Variants in DCTN2 observed in about 807,000 individuals in gnomAD.
DCTN2 encodes the protein 50 kDa dynein-associated polypeptide.
DCTN2 carries 18 observed loss-of-function variants against 55.4 expected under a neutral mutation model. The observed-to-expected ratio is 0.32, with a 90% CI of 0.22 to 0.48. DCTN2 has a LOEUF of 0.48. Among genes scored for constraint, DCTN2 ranks in the 20% least tolerant of loss-of-function variants. The probability of loss-of-function intolerance (pLI) is 0.99; values close to 1 mark genes in which losing one functional copy is unlikely to be tolerated. For missense variants in DCTN2, 390 were observed against 491.0 expected (o/e 0.79, Z 1.94); for synonymous variants, 168 against 185.2 (o/e 0.91, Z 0.76).
chr12:57,545,473 A>G (rs1881075134), intron 2 of DCTN2, among the ~76,000 whole-genome samples: 1 of 152,152 alleles, frequency 6.6e-6, no homozygotes, highest in Non-Finnish European at 1.5e-5. Context: ...GTACCTAATT[A>G]CTCCATCCTC....
rs370441577 is a variant in DCTN2 at position 57,544,355 on chromosome 12, AT to A, written c.105+1672del. Reference sequence around the variant, plus strand: ...ACTTAAAATACCTAGTACAATGTAAATGCTATGTAAATAGTTGTTATATTGT... The same window carrying A: ...ACTTAAAATACCTAGTACAATGTAAAGCTATGTAAATAGTTGTTATATTGT... On this transcript the variant is annotated intron_variant, in intron 2 of 13. Coordinates refer to ENST00000548249, the MANE Select transcript of DCTN2 (RefSeq NM_001261413.2). 1.8e-3 allele frequency among the ~76,000 whole-genome samples: 269 copies of A among 152,146 alleles called. 2 individuals are homozygous for A. The highest frequency in any genetic ancestry group is 6.3e-3 in the African/African-American group (262 of 41,502).
intron 7 of DCTN2, 116 bp downstream of exon 7, chr12:57,533,835 CAA>C: frequency 2.9e-6 from 3 of 1,045,866 alleles, no homozygotes; most frequent in Non-Finnish European, 2.7e-6. Context: ...AGGAATCAAT[CAA>C]GAGGAATCAG....
At chr12:57,534,919 C>G (rs149249094) in intron 5 of DCTN2, 137 bp downstream of exon 5, 7,712 of 659,504 alleles carry the variant, frequency 0.012, 66 homozygotes, top group Middle Eastern at 0.022. Flanking sequence ...ATCCGCCTGC[C>G]TCGGCCTCCC....
chr12:57,547,006 C>A (rs1881230349), intron 1 of DCTN2, 22 bp downstream of exon 1: 3 of 1,289,478 alleles, frequency 2.3e-6, no homozygotes, highest in African/African-American at 1.5e-5. Flanking sequence ...TCCTGGGGAG[C>A]CGGGGCCGGT....
Position 57,532,067 on chromosome 12 carries a change from G to C in DCTN2, c.1067C>G (p.Thr356Ser). The C allele has an allele frequency of 1.3e-6, 2 of 1,565,802 alleles. No homozygotes were observed. Among genetic ancestry groups the C allele is most frequent in the Non-Finnish European group, 1.7e-6 (2 of 1,154,348 alleles). Residue 356 changes from threonine (T) to serine (S), a missense_variant, in exon 13 of 14, where the codon ACC becomes AGC. Physicochemically the swap from Thr to Ser is moderately conservative, Grantham distance 58 (BLOSUM62 1). This residue lies in a region of DCTN2 where 273 missense variants were observed against 303.2 expected (regional missense o/e 0.90). Transcript: ENST00000548249. ...FGQLLTHLDT[T>S]QQMIANSLKD... ...CAAGGAATTAGCAATCATCTGCTGG[G>C]TGGTATCCAAGTGTGTCAGGAGCTG...
rs754227147 is a variant in DCTN2 at position 57,535,778 on chromosome 12, T to C, written c.173A>G (p.Lys58Arg). The C allele has an allele frequency of 6.2e-7, 1 of 1,614,004 alleles. No homozygotes were observed. Among genetic ancestry groups the C allele is most frequent in the South Asian group, 1.1e-5 (1 of 91,068 alleles). ...VNPNAAYDKFKDKRVGTKGLD... is the reference protein window; with the variant it reads ...VNPNAAYDKFRDKRVGTKGLD... ...TCCCTTTGTCCCCACTCTCTTGTCC[T>C]TGAACTTGTCATAGGCAGCATTAGG... Residue 58 changes from lysine (K) to arginine (R), a missense_variant, in exon 3 of 14, where the codon AAG becomes AGG. Lys to Arg is a conservative substitution (Grantham distance 26). Transcript: ENST00000548249.
At chr12:57,534,791 C>A (rs549733890) in intron 5 of DCTN2, among the ~76,000 whole-genome samples, 1 of 152,148 alleles carries the variant, frequency 6.6e-6, no homozygotes, top group Non-Finnish European at 1.5e-5. Context: ...CTTAGCCTCC[C>A]GAGTAGCTGG....
At chr12:57,547,005 G>A in intron 1 of DCTN2, 23 bp downstream of exon 1, 2 of 1,289,908 alleles carry the variant, frequency 1.6e-6, no homozygotes, top group Non-Finnish European at 2.0e-6. Context: ...GTCCTGGGGA[G>A]CCGGGGCCGG....
intron 1 of DCTN2, 53 bp from the exon 2 acceptor site, chr12:57,546,149 C>G: frequency 6.6e-7 from 1 of 1,516,796 alleles, no homozygotes; most frequent in East Asian, 2.3e-5. Flanking sequence ...TCCAACAACA[C>G]CCCTTCCCCC....
In DCTN2 at chr12:57,546,113, T is replaced by G; in HGVS notation, c.37-17A>C. 1 of 1,613,584 alleles carries G rather than the reference T, an allele frequency of 6.2e-7. No individual in the cohort carries two copies. Among genetic ancestry groups the G allele is most frequent in the South Asian group, 1.1e-5 (1 of 91,068 alleles). ...ATTCCTGGCCTGCAGGTAGAAGCAG[T>G]GACCACCCAACCTCACTACCCAGCA... On this transcript the variant is annotated splice_polypyrimidine_tract_variant and intron_variant, in intron 1 of 13. Transcript: ENST00000548249.
At chr12:57,535,391 A>C in intron 4 of DCTN2, 93 bp downstream of exon 4, 56 of 1,491,122 alleles carry the variant, frequency 3.8e-5, no homozygotes, top group Middle Eastern at 1.7e-4. Context: ...GGAGGAACAG[A>C]ATCCCGCCTG....
rs1313387769 is a variant in DCTN2, at chr12:57,543,851, T to A, written c.105+2177A>T. 8 of 1,286,776 alleles carry A rather than the reference T, an allele frequency of 6.2e-6. No homozygotes were observed. The African/African-American group carries it at 1.1e-4, about 17-fold the overall frequency. The allele number at this position is 1,286,776 out of a possible 1,614,324, so 79.7% of individuals were successfully genotyped here. The stretch of plus-strand genomic sequence containing the variant: ...CCACAGGAAATGAACACTCACAGTA[T>A]CCTCTCCTCATCAGCCACCCCACTA... On this transcript the variant is annotated intron_variant, in intron 2 of 13. Coordinates refer to ENST00000548249, the MANE Select transcript of DCTN2 (RefSeq NM_001261413.2).
chr12:57,532,434 G>C, intron 11 of DCTN2, 119 bp from the exon 12 acceptor site: 1 of 1,322,906 alleles, frequency 7.6e-7, no homozygotes, highest in Non-Finnish European at 1.1e-6. Flanking sequence ...GCAGTGCCCT[G>C]ACTTTCCAAG....
chr12:57,542,977 A>T lies in DCTN2; in HGVS notation c.105+3051T>A, dbSNP rs1321419181. 3 of 456,016 alleles carry T rather than the reference A, an allele frequency of 6.6e-6. No individual in the cohort carries two copies. The Admixed American group carries it at 7.0e-5, about 11-fold the overall frequency. 28.2% of individuals were successfully genotyped at this position (456,016 alleles called of 1,614,324 possible). ...ATCCTCTGTTCCCTGTGCATACATT[A>T]CCTACTTTAAAAACTGATAAAATTA... On this transcript the variant is annotated intron_variant, in intron 2 of 13. Coordinates refer to ENST00000548249, the MANE Select transcript of DCTN2 (RefSeq NM_001261413.2).
chr12:57,532,266 G>A lies in DCTN2; in HGVS notation c.974C>T (p.Thr325Ile), dbSNP rs941848876. The A allele has an allele frequency of 1.9e-6, 3 of 1,563,236 alleles. No homozygotes were observed. Among genetic ancestry groups the A allele is most frequent in the African/African-American group, 1.4e-5 (1 of 73,484 alleles). The change falls in exon 12 of 14, where the codon ACC becomes ATC. Residue 325 changes from threonine (T) to isoleucine (I), a missense_variant. Thr to Ile is a moderately conservative substitution (Grantham distance 89). Around this residue, in one of 2 missense-constraint regions of DCTN2, gnomAD observed 273 missense variants for 303.2 expected, o/e 0.90. Coordinates refer to ENST00000548249, the MANE Select transcript of DCTN2 (RefSeq NM_001261413.2). ...TIQRWSPIAS[T>I]LPELVQRLVT... ...AAGTCTCTGCACCAGCTCAGGGAGG[G>A]TGGAGGCAATGGGGCTCCAGCGCTG...
chr12:57,535,421 T>C (rs2140123363), intron 4 of DCTN2, 63 bp downstream of exon 4: 3 of 1,583,980 alleles, frequency 1.9e-6, no homozygotes, highest in Non-Finnish European at 2.6e-6. Context: ...ATCTCCCTAC[T>C]ACATGTCTGC....
In DCTN2 at chr12:57,535,476, C is replaced by T. The variant is rs370761721; in HGVS notation, c.264+8G>A. 60 of 1,613,932 alleles carry T rather than the reference C, an allele frequency of 3.7e-5. No homozygotes were observed. The highest frequency in any genetic ancestry group is 5.1e-5 in the Non-Finnish European group (60 of 1,179,846). On this transcript the variant is annotated splice_region_variant and intron_variant, in intron 4 of 13. Coordinates refer to ENST00000548249, the MANE Select transcript of DCTN2 (RefSeq NM_001261413.2). ...ATTCCCATCAACACACACACACACA[C>T]AACAAACCATCTCATATTCTCCAGA...
At chr12:57,537,114 C>T (rs1217188273) in intron 2 of DCTN2, among the ~76,000 whole-genome samples, 2 of 150,834 alleles carry the variant, frequency 1.3e-5, no homozygotes, top group South Asian at 2.1e-4. Context: ...TCGGCCAAGG[C>T]GGGTGGATCT....
chr12:57,532,994 G>C lies in DCTN2; in HGVS notation c.764C>G (p.Ala255Gly). 6.2e-7 allele frequency: 1 copy of C among 1,604,484 alleles called. No individual in the cohort carries two copies. The highest frequency in any genetic ancestry group is 8.5e-7 in the Non-Finnish European group (1 of 1,175,418). Residue 255 changes from alanine (A) to glycine (G), a missense_variant, in exon 9 of 14, where the codon GCC (alanine) becomes GGC (glycine). Transcript: ENST00000548249. ...QNPLSAGLQGACLMETVELLQ... is the reference protein window; with the variant it reads ...QNPLSAGLQGGCLMETVELLQ... ...TTCTTCCAAACTCACCATGAGACAG[G>C]CTCCCTGTAGACCTGCAGAAAGGGG...
Sources: allele counts gnomAD v4.1 joint callset (sites outside exome capture counted in the v4.1 genomes callset), GRCh38; gene constraint gnomAD v4.1.1; regional missense constraint gnomAD v4.1.1; transcripts MANE v1.5; gene names NCBI Gene and HGNC (gene_info 2026-07-23, HGNC 2026-07-21).